Variants in PSEN2 observed in about 807,000 individuals in gnomAD.
The protein encoded by PSEN2 is presenilin 2, also known as presenilin-2.
PSEN2 carries 32 observed loss-of-function variants against 49.1 expected under a neutral mutation model. That is an observed-to-expected ratio of 0.65 (90% CI 0.49 to 0.88). PSEN2 has a LOEUF of 0.88. Among genes scored for constraint, PSEN2 ranks in the 40% least tolerant of loss-of-function variants. PSEN2 has a pLI of 0.00. For synonymous variants in PSEN2, 255 were observed against 244.0 expected (o/e 1.05, Z -0.42); for missense variants, 522 against 586.9 (o/e 0.89, Z 1.14).
intron 12 of PSEN2, among the ~76,000 whole-genome samples, chr1:226,903,058 T>A (rs1662365726): frequency 1.3e-5 from 2 of 152,078 alleles, no homozygotes; most frequent in South Asian, 2.1e-4. Flanking sequence ...AATAAATTTT[T>A]AAAAATTGTA....
chr1:226,888,699 T>C (rs1661533713), intron 7 of PSEN2, 130 bp from the exon 8 acceptor site: 2 of 822,590 alleles, frequency 2.4e-6, no homozygotes, highest in Non-Finnish European at 4.2e-6. Context: ...AATGGTAAAT[T>C]GTAAGGACAG....
At chr1:226,875,578 T>C (rs1660578796) in intron 3 of PSEN2, 28 bp downstream of exon 3, 1 of 152,196 alleles carries the variant, frequency 6.6e-6, no homozygotes, top group Admixed American at 6.5e-5. Flanking sequence ...CAACCTGCTT[T>C]TGAACCCTCT....
chr1:226,902,836 A>G (rs887180839), intron 12 of PSEN2, among the ~76,000 whole-genome samples: 1 of 152,142 alleles, frequency 6.6e-6, no homozygotes, highest in Non-Finnish European at 1.5e-5. Context: ...GCCAGCAGAG[A>G]TGGACAGCCA....
intron 12 of PSEN2, among the ~76,000 whole-genome samples, chr1:226,902,354 A>C (rs953730197): frequency 2.6e-5 from 4 of 152,120 alleles, no homozygotes; most frequent in African/African-American, 4.8e-5. Context: ...GTACTGGTCC[A>C]TGGCCTGGGG....
intron 3 of PSEN2, among the ~76,000 whole-genome samples, chr1:226,877,800 G>A (rs1302207948): frequency 6.6e-6 from 1 of 152,218 alleles, no homozygotes; most frequent in African/African-American, 2.4e-5. Flanking sequence ...ACGTTTGTGG[G>A]TTAGAAAGCA....
chr1:226,891,881 A>G, intron 11 of PSEN2, 37 bp downstream of exon 11: 3 of 1,582,462 alleles, frequency 1.9e-6, no homozygotes, highest in Non-Finnish European at 2.6e-6. Context: ...GCTTCAGCCT[A>G]CGGCGGGAGC....
downstream of PSEN2, chr1:226,899,212 T>G (rs2102702967): frequency 6.6e-6 from 1 of 152,326 alleles, no homozygotes; most frequent in Non-Finnish European, 1.5e-5. Flanking sequence ...ACCCTCAAGG[T>G]TTTCTAAATT....
downstream of PSEN2, chr1:226,898,614 CATT>C (rs1662224794): frequency 6.6e-6 from 1 of 152,048 alleles, no homozygotes. Flanking sequence ...CTTCTCTGTT[CATT>C]ATTATTAATT....
chr1:226,893,817 C>T (rs1661917814), intron 11 of PSEN2, among the ~76,000 whole-genome samples, 190 bp from the exon 12 acceptor site: 2 of 152,218 alleles, frequency 1.3e-5, no homozygotes, highest in South Asian at 2.1e-4. Flanking sequence ...CAGGTGTCCC[C>T]TGCTTTCCCA....
intron 1 of PSEN2, 28 bp from the exon 2 acceptor site, chr1:226,871,234 T>A (rs1274273541): frequency 6.6e-6 from 1 of 152,170 alleles, no homozygotes; most frequent in Non-Finnish European, 1.5e-5. Context: ...CGGTTTCTGT[T>A]AGCAGCGGTG....
At chr1:226,874,067 G>A (rs1270565166) in intron 2 of PSEN2, among the ~76,000 whole-genome samples, 1 of 152,164 alleles carries the variant, frequency 6.6e-6, no homozygotes, top group East Asian at 1.9e-4. Context: ...GTGAGCCCTG[G>A]GGGCAGGAGA....
At chr1:226,899,358 G>T (rs895032586), downstream of PSEN2, 1 of 152,108 alleles carries the variant, frequency 6.6e-6, no homozygotes, top group African/African-American at 2.4e-5. Context: ...TTTCTCGCTG[G>T]TCTGTAGAAC....
chr1:226,890,002 G>C (rs1661635199), intron 8 of PSEN2, 33 bp from the exon 9 acceptor site: 1 of 1,562,718 alleles, frequency 6.4e-7, no homozygotes, highest in South Asian at 1.1e-5. Context: ...GCTGCCCGGG[G>C]ATAGTTTGAC....
In PSEN2 at chr1:226,881,943, AGT is replaced by A; in HGVS notation, c.42_43del (p.Cys14Ter). On this transcript the variant is annotated frameshift_variant, in exon 4 of 13. Transcript: ENST00000366783. LOFTEE classifies it high-confidence loss of function. ...TCATGGCCTCTGACAGCGAGGAAGA[AGT>A]GTGTGATGAGCGGACGTCCCTAATG... ...TFMASDSEEE[V>X]CDERTSLMSA... 1 of 1,614,112 alleles carries A rather than the reference AGT, an allele frequency of 6.2e-7. No individual in the cohort carries two copies. The highest frequency in any genetic ancestry group is 8.5e-7 in the Non-Finnish European group (1 of 1,179,984).
intron 9 of PSEN2, chr1:226,890,484 G>T: frequency 5.9e-6 from 2 of 339,304 alleles, no homozygotes. Context: ...AGGGCAGGGG[G>T]TCGGGGAGCA....
chr1:226,888,752 G>A (rs1487773119), intron 7 of PSEN2, 77 bp from the exon 8 acceptor site: 60 of 1,273,006 alleles, frequency 4.7e-5, no homozygotes, highest in Non-Finnish European at 6.2e-5. Context: ...GGCCAGGTTG[G>A]GACTGAATGG....
intron 12 of PSEN2, among the ~76,000 whole-genome samples, chr1:226,901,972 G>A (rs932344587): frequency 2.0e-5 from 3 of 152,184 alleles, no homozygotes; most frequent in African/African-American, 7.2e-5. Context: ...CTCAAACCCA[G>A]AAGACTCCTT....
At chr1:226,872,728 A>G (rs1356535181) in intron 2 of PSEN2, among the ~76,000 whole-genome samples, 1 of 152,202 alleles carries the variant, frequency 6.6e-6, no homozygotes, top group African/African-American at 2.4e-5. Flanking sequence ...GACTGATAAG[A>G]CAGCAAATAT....
At chr1:226,890,825 T>C (rs1156975148) in intron 9 of PSEN2, 1 of 188,096 alleles carries the variant, frequency 5.3e-6, no homozygotes, top group Non-Finnish European at 1.1e-5. Flanking sequence ...GGAAAGAGTT[T>C]ATGGAACAGC....
Sources: allele counts gnomAD v4.1 joint callset (sites outside exome capture counted in the v4.1 genomes callset), GRCh38; gene constraint gnomAD v4.1.1; transcripts MANE v1.5; gene names NCBI Gene and HGNC (gene_info 2026-07-23, HGNC 2026-07-21).